Variants in CPT1A observed in about 807,000 individuals in gnomAD.
CPT1A encodes carnitine O-palmitoyltransferase 1, liver isoform.
CPT1A carries 64 observed loss-of-function variants against 100.8 expected under a neutral mutation model. The observed-to-expected ratio is 0.63, with a 90% CI of 0.52 to 0.78. The LOEUF (loss-of-function observed/expected upper bound fraction) is 0.78. Among genes scored for constraint, CPT1A ranks in the 30% least tolerant of loss-of-function variants. The pLI, the probability that CPT1A is intolerant of heterozygous loss-of-function variation, is 0.00. For missense variants in CPT1A, 802 were observed against 1,034.1 expected, an observed-to-expected ratio of 0.78 and a Z score of 3.08; for synonymous variants, 363 against 396.0, an observed-to-expected ratio of 0.92 and a Z score of 0.99.
chr11:68,822,028 G>C (rs1294177282), intron 1 of CPT1A, among the ~76,000 whole-genome samples: 1 of 152,082 alleles, frequency 6.6e-6, no homozygotes, highest in South Asian at 2.1e-4. Context: ...ATGCATGGCT[G>C]GTCAAATGGT....
intron 14 of CPT1A, among the ~76,000 whole-genome samples, chr11:68,764,009 G>T (rs568359417): frequency 1.3e-5 from 2 of 152,282 alleles, no homozygotes; most frequent in South Asian, 4.1e-4. Context: ...AAGGGGATGG[G>T]GTCAAGGAAC....
At chr11:68,783,370 C>G (rs1594336298) in intron 10 of CPT1A, among the ~76,000 whole-genome samples, 2 of 152,148 alleles carry the variant, frequency 1.3e-5, no homozygotes, top group Admixed American at 1.3e-4. Flanking sequence ...CCCAGCTTGG[C>G]ACCGTGGCCC....
chr11:68,781,820 A>T lies in CPT1A; in HGVS notation c.1303T>A (p.Ser435Thr). The change falls in exon 11 of 19, where the codon TCA becomes ACA. Residue 435 changes from serine to threonine, a missense_variant. Coordinates refer to ENST00000265641, the MANE Select transcript of CPT1A (RefSeq NM_001876.4). The stretch of plus-strand genomic sequence containing the variant: ...AGAGATTTGGCGTAGCTGTCCATTG[A>T]CGTATCCGGGTCTTCACTTCTGTAT... The part of the protein sequence containing the change: ...EGYRSEDPDT[S>T]MDSYAKSLLH... The T allele has an allele frequency of 6.2e-7, 1 of 1,614,126 alleles. No homozygotes were observed. The highest frequency in any genetic ancestry group is 1.1e-5 in the South Asian group (1 of 91,080).
intron 1 of CPT1A, chr11:68,818,524 C>T (rs1413017310): frequency 6.6e-6 from 1 of 152,216 alleles, no homozygotes; most frequent in East Asian, 1.9e-4. Context: ...CTACCTTCCA[C>T]CAGCTATAAC....
intron 15 of CPT1A, 150 bp downstream of exon 15, chr11:68,762,477 G>T: frequency 1.1e-6 from 1 of 943,620 alleles, no homozygotes; most frequent in Non-Finnish European, 1.7e-6. Flanking sequence ...CTGTACCCTT[G>T]AAAGGGGCAG....
chr11:68,789,703 T>G (rs1855563102), intron 9 of CPT1A, among the ~76,000 whole-genome samples: 1 of 152,032 alleles, frequency 6.6e-6, no homozygotes, highest in Non-Finnish European at 1.5e-5. Context: ...CTCCCAGGCT[T>G]TGTATTTACA....
intron 14 of CPT1A, among the ~76,000 whole-genome samples, chr11:68,773,017 A>G (rs1180794416): frequency 6.6e-6 from 1 of 152,132 alleles, no homozygotes; most frequent in Non-Finnish European, 1.5e-5. Context: ...CTTTGTCCTC[A>G]TCCCCCAGAC....
chr11:68,807,486 C>A lies in CPT1A; in HGVS notation c.434G>T (p.Arg145Leu), dbSNP rs373015421. The change falls in exon 4 of 19, where the codon CGT becomes CTT. Residue 145 changes from arginine (R) to leucine (L), a missense_variant. Arg to Leu is a moderately radical substitution (Grantham distance 102, BLOSUM62 -2). Transcript: ENST00000265641. ...AATTACCATCCAGATCTTGGTGGCA[C>A]GACTCATCTTGCCGTGCTCAGTGAA... ...WMFTEHGKMS[R>L]ATKIWMGMVK... is the part of the protein sequence containing the mutation. 2 of 1,614,070 alleles carry A rather than the reference C, an allele frequency of 1.2e-6. No homozygotes were observed. The highest frequency in any genetic ancestry group is 2.2e-5 in the South Asian group (2 of 91,052).
intron 12 of CPT1A, among the ~76,000 whole-genome samples, chr11:68,776,970 G>A (rs897047): frequency 0.79 from 120,851 of 152,170 alleles, 48,475 homozygotes; most frequent in East Asian, 0.88. Context: ...ACACAAGGTC[G>A]GGGTGACTGT....
At chr11:68,813,955 G>A (rs920125701) in intron 2 of CPT1A, among the ~76,000 whole-genome samples, 5 of 152,164 alleles carry the variant, frequency 3.3e-5, no homozygotes, top group Admixed American at 1.3e-4. Flanking sequence ...GGGCTTGCCC[G>A]CCATGCTGTC....
rs373886084 is a variant in CPT1A at position 68,795,922 on chromosome 11, A to C, written c.771+934T>G. Among the ~76,000 whole-genome samples the C allele has an allele frequency of 9.2e-4, 140 of 152,204 alleles. 1 individual carries two copies. In the South Asian group the frequency reaches 0.028, roughly 30 times the overall value. The stretch of plus-strand genomic sequence containing the variant: ...AGACTCTATCTCAAAAAAAAAAAGA[A>C]AAGAAAAAGTAAATGATTAAAAAAT... On this transcript the variant is annotated intron_variant, in intron 7 of 18. Transcript: ENST00000265641.
At chr11:68,838,546 G>C (rs556752616) in intron 1 of CPT1A, among the ~76,000 whole-genome samples, 53 of 112,870 alleles carry the variant, frequency 4.7e-4, no homozygotes, top group Non-Finnish European at 7.1e-4. Context: ...AAGTGAGAAG[G>C]ACTCTACTCT....
At chr11:68,786,294 G>C (rs1252233245) in intron 9 of CPT1A, among the ~76,000 whole-genome samples, 1 of 152,180 alleles carries the variant, frequency 6.6e-6, no homozygotes, top group Admixed American at 6.6e-5. Flanking sequence ...CTGGGGAGCA[G>C]AGGCTGCAGT....
intron 14 of CPT1A, among the ~76,000 whole-genome samples, chr11:68,765,538 A>C (rs927988269): frequency 1.3e-5 from 2 of 152,336 alleles, no homozygotes; most frequent in Non-Finnish European, 2.9e-5. Context: ...AGATATACTG[A>C]CATATATGGC....
rs1946699443 is a variant in CPT1A at position 68,756,630 on chromosome 11, T to C, written c.*1014A>G. ...TTGCTAGTCCCCGCTTGGTGGCCGATGCCCTGCCCTCCTTGCTGTCACTTT... is the reference window on the plus strand; with the variant it reads ...TTGCTAGTCCCCGCTTGGTGGCCGACGCCCTGCCCTCCTTGCTGTCACTTT... On this transcript the variant is annotated 3_prime_UTR_variant, in exon 19 of 19. Coordinates refer to ENST00000265641, the MANE Select transcript of CPT1A (RefSeq NM_001876.4). 6.6e-6 allele frequency: 1 copy of C among 152,386 alleles called. No homozygotes were observed. Among genetic ancestry groups the C allele is most frequent in the Admixed American group, 6.5e-5 (1 of 15,286 alleles). 9.4% of individuals were successfully genotyped at this position (152,386 alleles called of 1,614,324 possible).
chr11:68,763,794 C>T (rs1342807779), intron 14 of CPT1A, among the ~76,000 whole-genome samples: 4 of 152,108 alleles, frequency 2.6e-5, no homozygotes, highest in Admixed American at 2.0e-4. Flanking sequence ...GGAGGGGAGA[C>T]GAGCCAGCTG....
intron 13 of CPT1A, chr11:68,773,970 A>C (rs1467177680): frequency 5.4e-6 from 1 of 183,968 alleles, no homozygotes; most frequent in South Asian, 1.1e-4. Context: ...ACTCCAGTAA[A>C]CATACTGCGC....
chr11:68,778,355 G>A (rs1855197880), intron 12 of CPT1A, among the ~76,000 whole-genome samples: 1 of 152,280 alleles, frequency 6.6e-6, no homozygotes, highest in South Asian at 2.1e-4. Flanking sequence ...GCAGAGAGGA[G>A]AGTGAGTGCG....
rs761219765 is a variant in CPT1A, at chr11:68,757,188, A to T, written c.*456T>A. ...GTGCATTCCAGATGTGTTAGCTACAACTGGGGACACCAACTTGAATAACAC... is the reference window on the plus strand; with the variant it reads ...GTGCATTCCAGATGTGTTAGCTACATCTGGGGACACCAACTTGAATAACAC... On this transcript the variant is annotated 3_prime_UTR_variant, in exon 19 of 19. Transcript: ENST00000265641. 5.4e-6 allele frequency: 3 copies of T among 559,700 alleles called. No individual in the cohort carries two copies. The highest frequency in any genetic ancestry group is 7.2e-6 in the Non-Finnish European group (3 of 419,128). 34.7% of individuals were successfully genotyped at this position (559,700 alleles called of 1,614,324 possible).
Sources: gnomAD v4.1 joint callset for allele counts (sites outside exome capture counted in the v4.1 genomes callset) on GRCh38, gnomAD v4.1.1 for gene constraint, MANE v1.5 for transcripts, NCBI Gene and HGNC (gene_info 2026-07-23, HGNC 2026-07-21) for gene names.